WDR62: variants seen among roughly 807,000 people sequenced by gnomAD.
WDR62 encodes the protein WD repeat domain 62.
WDR62 carries 112 observed loss-of-function variants against 160.6 expected under a neutral mutation model. That is an observed-to-expected ratio of 0.70 (90% CI 0.60 to 0.82). WDR62 has a LOEUF of 0.82. Ranked by LOEUF, WDR62 falls within the 40% of genes least tolerant of loss-of-function variation. The probability of loss-of-function intolerance (pLI) is 0.00; values close to 1 mark genes in which losing one functional copy is unlikely to be tolerated. For missense variants in WDR62, 1,819 were observed against 1,983.8 expected, an observed-to-expected ratio of 0.92 and a Z score of 1.58; for synonymous variants, 792 against 815.1, an observed-to-expected ratio of 0.97 and a Z score of 0.48.
At chr19:36,103,259 G>A (rs373520647) in intron 29 of WDR62, 52 bp downstream of exon 29, 21 of 1,611,586 alleles carry the variant, frequency 1.3e-5, no homozygotes, top group Non-Finnish European at 1.7e-5. Flanking sequence ...GCGAGTGGCC[G>A]GATGTCCAGC....
In WDR62 at chr19:36,056,860, A is replaced by G. The variant is rs560050274; in HGVS notation, c.177+1712A>G. 1.3e-4 allele frequency among the ~76,000 whole-genome samples: 19 copies of G among 144,858 alleles called. No individual in the cohort carries two copies. In the South Asian group the frequency reaches 3.7e-3, roughly 28 times the overall value. On this transcript the variant is annotated intron_variant, in intron 1 of 31. Transcript: ENST00000401500. ...GGTCTTACTCTGTCATCCAGGCTGT[A>G]GTGCACTGGGTTGATCTCGGCTCAC...
intron 6 of WDR62, 132 bp from the exon 7 acceptor site, chr19:36,067,696 T>C: frequency 1.8e-6 from 2 of 1,101,432 alleles, no homozygotes; most frequent in Non-Finnish European, 2.6e-6. Context: ...AGTGGCAGGG[T>C]TCTAGTGTTT....
chr19:36,083,315 C>T, intron 11 of WDR62, 74 bp downstream of exon 11: 3 of 1,477,422 alleles, frequency 2.0e-6, no homozygotes, highest in Non-Finnish European at 2.8e-6. Flanking sequence ...TGGGCAGAAG[C>T]CCTGGCCTTG....
intron 13 of WDR62, 40 bp from the exon 14 acceptor site, chr19:36,088,998 G>A (rs1229435321): frequency 1.2e-6 from 2 of 1,610,836 alleles, no homozygotes; most frequent in Admixed American, 1.7e-5. Flanking sequence ...CTGCCCATGT[G>A]GCCCAGCCCT....
chr19:36,081,680 A>T, intron 10 of WDR62, 110 bp downstream of exon 10: 1 of 1,503,256 alleles, frequency 6.7e-7, no homozygotes. Flanking sequence ...AGGTTCCATG[A>T]GGGCAAGAGC....
At position 36,103,327 on chromosome 19, in the gene WDR62, T is replaced by A. The variant is rs1361921250; in HGVS notation, c.3515-16T>A. The A allele has an allele frequency of 6.2e-7, 1 of 1,613,352 alleles. No homozygotes were observed. Among genetic ancestry groups the A allele is most frequent in the African/African-American group, 1.3e-5 (1 of 74,904 alleles). On this transcript the variant is annotated splice_polypyrimidine_tract_variant and intron_variant, in intron 29 of 31. Transcript: ENST00000401500. ...GTTCTGTGTGGTGGAGTCAGTGCCA[T>A]CTGCTTCCGTTACAGCTCCCTGCCT...
chr19:36,075,570 C>T lies in WDR62; in HGVS notation c.1233+2039C>T, dbSNP rs181733628. Among the ~76,000 whole-genome samples, 68 of 152,156 alleles carry T rather than the reference C, an allele frequency of 4.5e-4. No homozygotes were observed. The East Asian group carries it at 9.5e-3, about 21-fold the overall frequency. The stretch of plus-strand genomic sequence containing the variant: ...AAACAATTCTCCTGCCTCAGCCTCC[C>T]GAGTAGCTGGGATTACAGGCAGCCG... On this transcript the variant is annotated intron_variant, in intron 9 of 31. Transcript: ENST00000401500.
At position 36,055,073 on chromosome 19, in the gene WDR62, G is replaced by T. The variant is rs769712394; in HGVS notation, c.102G>T (p.Pro34=). Residue 34 remains proline (P), a synonymous_variant, in exon 1 of 32, where the codon CCG becomes CCT. Coordinates refer to ENST00000401500, the MANE Select transcript of WDR62 (RefSeq NM_001083961.2). The stretch of plus-strand genomic sequence containing the variant: ...CGGCGCGGAGGGGCCAGTCCTCCCC[G>T]CCCCCCGCCCCACCAATCTGCCTAC... The part of the protein sequence containing the change: ...GVPARRGQSS[P]PPAPPICLRR... 1.9e-6 allele frequency: 3 copies of T among 1,587,466 alleles called. No homozygotes were observed. In the South Asian group the frequency reaches 3.4e-5, roughly 18 times the overall value.
chr19:36,093,943 C>A, intron 19 of WDR62, 88 bp from the exon 20 acceptor site: 1 of 1,537,706 alleles, frequency 6.5e-7, no homozygotes, highest in Admixed American at 1.7e-5. Context: ...TCACATGGAG[C>A]TTAGCACAGG....
chr19:36,109,996 A>G (rs1371309216), downstream of WDR62, among the ~76,000 whole-genome samples: 1 of 151,256 alleles, frequency 6.6e-6, no homozygotes, highest in East Asian at 2.0e-4. Context: ...CGGAGGTCAT[A>G]GAGGAGCCAA....
At chr19:36,081,794 T>A (rs944565803) in intron 10 of WDR62, 3 of 678,902 alleles carry the variant, frequency 4.4e-6, no homozygotes, top group Non-Finnish European at 8.0e-6. Flanking sequence ...TCTTTGCCAG[T>A]TGGCTCCTGC....
chr19:36,065,716 A>G (rs906286392), intron 3 of WDR62, among the ~76,000 whole-genome samples: 1 of 151,796 alleles, frequency 6.6e-6, no homozygotes, highest in African/African-American at 2.4e-5. Context: ...TACAGTGTCT[A>G]CTCCATTTGG....
chr19:36,086,941 A>G (rs1428123468), intron 13 of WDR62, 129 bp downstream of exon 13: 12 of 1,351,398 alleles, frequency 8.9e-6, no homozygotes, highest in Non-Finnish European at 1.1e-5. Context: ...AGTATACAGA[A>G]TAATGACTGG....
At chr19:36,073,592 G>A in intron 9 of WDR62, 61 bp downstream of exon 9, 3 of 1,386,096 alleles carry the variant, frequency 2.2e-6, no homozygotes, top group East Asian at 2.4e-5. Context: ...CCACAGTTTG[G>A]GAACCCATTC....
intron 3 of WDR62, among the ~76,000 whole-genome samples, 161 bp from the exon 4 acceptor site, chr19:36,065,797 C>T (rs989397765): frequency 6.6e-6 from 1 of 152,210 alleles, no homozygotes; most frequent in Admixed American, 6.5e-5. Context: ...CTGGGCACAC[C>T]AGCGGCACTG....
At chr19:36,068,667 G>T (rs967298543) in intron 7 of WDR62, among the ~76,000 whole-genome samples, 1 of 152,230 alleles carries the variant, frequency 6.6e-6, no homozygotes, top group Non-Finnish European at 1.5e-5. Flanking sequence ...AGAGCACAGG[G>T]TTGGGGGTAA....
intron 8 of WDR62, among the ~76,000 whole-genome samples, 200 bp downstream of exon 8, chr19:36,071,916 G>T (rs1568335356): frequency 6.6e-6 from 1 of 152,262 alleles, no homozygotes; most frequent in African/African-American, 2.4e-5. Flanking sequence ...CTGGGTAGGG[G>T]GAAGAAACAG....
At chr19:36,097,574 C>A (rs1419269377) in intron 21 of WDR62, among the ~76,000 whole-genome samples, 1 of 151,742 alleles carries the variant, frequency 6.6e-6, no homozygotes, top group African/African-American at 2.4e-5. Context: ...GAGTGAGATC[C>A]TGTCTCAAAA....
rs1196319225 is a variant in WDR62, at chr19:36,081,545, AC to A, written c.1347del (p.Trp450GlyfsTer11). The A allele has an allele frequency of 6.2e-7, 1 of 1,614,186 alleles. No individual in the cohort carries two copies. Among genetic ancestry groups the A allele is most frequent in the Admixed American group, 1.7e-5 (1 of 60,022 alleles). On this transcript the variant is annotated frameshift_variant, in exon 10 of 32. Transcript: ENST00000401500. LOFTEE classifies it high-confidence loss of function. ...AACTTGGACAGCAGCCCTGATTCTC[AC>A]TGGCAGAAAAACATCTTCAGCAATG... ...FWNLDSSPDS[H>X]WQKNIFSNTL...
Sources: allele counts gnomAD v4.1 joint callset (sites outside exome capture counted in the v4.1 genomes callset), GRCh38; gene constraint gnomAD v4.1.1; transcripts MANE v1.5; gene names NCBI Gene and HGNC (gene_info 2026-07-23, HGNC 2026-07-21).